ARB2A: variants seen among roughly 807,000 people sequenced by gnomAD.
ARB2A encodes the protein ARB2 cotranscriptional regulator A, also known as cotranscriptional regulator ARB2A.
At chr5:93,889,058 A>G in the ARB2A span, among the ~76,000 whole-genome samples, 2 of 151,742 alleles carry the variant, frequency 1.3e-5, no homozygotes, top group Non-Finnish European at 1.5e-5. Context: ...AATCATATAC[A>G]AATTCCTAAA....
chr5:93,635,956 C>T, the ARB2A span, among the ~76,000 whole-genome samples: 3 of 152,152 alleles, frequency 2.0e-5, no homozygotes, highest in African/African-American at 7.2e-5. Flanking sequence ...TTTATGCTTA[C>T]AAGTGTTATT....
the ARB2A span, among the ~76,000 whole-genome samples, chr5:93,891,922 G>T: frequency 6.6e-6 from 1 of 152,096 alleles, no homozygotes; most frequent in Non-Finnish European, 1.5e-5. Context: ...TCTATTTACA[G>T]CACTACAGCT....
chr5:94,016,519 T>A, the ARB2A span, among the ~76,000 whole-genome samples: 1 of 152,208 alleles, frequency 6.6e-6, no homozygotes, highest in East Asian at 1.9e-4. Flanking sequence ...TCATAAAGTT[T>A]TTTTGTCTTG....
At chr5:94,006,087 T>C in the ARB2A span, among the ~76,000 whole-genome samples, 1 of 152,212 alleles carries the variant, frequency 6.6e-6, no homozygotes, top group Non-Finnish European at 1.5e-5. Flanking sequence ...TACATAAACA[T>C]TTATAACAGC....
At chr5:93,744,906 G>T in the ARB2A span, among the ~76,000 whole-genome samples, 1 of 152,168 alleles carries the variant, frequency 6.6e-6, no homozygotes, top group African/African-American at 2.4e-5. Context: ...CATGGTTCCA[G>T]TCCCCAATGT....
the ARB2A span, among the ~76,000 whole-genome samples, chr5:94,046,380 C>T: frequency 6.6e-6 from 1 of 151,980 alleles, no homozygotes; most frequent in South Asian, 2.1e-4. Flanking sequence ...CAAGAGTTGA[C>T]AGTAGATTTG....
At chr5:93,618,950 G>C in the ARB2A span, 1 of 152,194 alleles carries the variant, frequency 6.6e-6, no homozygotes, top group African/African-American at 2.4e-5. Context: ...CGCCAATTTA[G>C]CATTGCACAA....
the ARB2A span, chr5:93,735,798 T>C: frequency 6.6e-6 from 1 of 152,066 alleles, no homozygotes; most frequent in Non-Finnish European, 1.5e-5. Context: ...AAAGCATACA[T>C]TTGTTAAGCT....
the ARB2A span, among the ~76,000 whole-genome samples, chr5:94,079,337 AAGATGACC>A: frequency 3.9e-5 from 6 of 152,218 alleles, no homozygotes; most frequent in Non-Finnish European, 8.8e-5. Flanking sequence ...CATTGGTCAC[AAGATGACC>A]AGTTCTATTC....
chr5:93,752,322 G>A, the ARB2A span, among the ~76,000 whole-genome samples: 2 of 152,204 alleles, frequency 1.3e-5, no homozygotes, highest in African/African-American at 4.8e-5. Flanking sequence ...TATGGGGGCA[G>A]TAAAAGGAAT....
the ARB2A span, among the ~76,000 whole-genome samples, chr5:94,079,509 C>T: frequency 9.2e-5 from 14 of 152,118 alleles, no homozygotes; most frequent in African/African-American, 3.4e-4. Flanking sequence ...TCTTCTGACT[C>T]CTAATTATGA....
the ARB2A span, among the ~76,000 whole-genome samples, chr5:93,716,050 C>T: frequency 1.3e-5 from 2 of 152,150 alleles, no homozygotes; most frequent in Non-Finnish European, 2.9e-5. Flanking sequence ...AGTGATAGCT[C>T]ATCATTTCTC....
chr5:94,001,636 T>A, the ARB2A span, among the ~76,000 whole-genome samples: 2 of 152,112 alleles, frequency 1.3e-5, no homozygotes, highest in Non-Finnish European at 2.9e-5. Flanking sequence ...TTTTACACAG[T>A]GCTTTTGATT....
At chr5:93,649,777 T>C in the ARB2A span, among the ~76,000 whole-genome samples, 1 of 152,286 alleles carries the variant, frequency 6.6e-6, no homozygotes, top group African/African-American at 2.4e-5. Flanking sequence ...ACCTCAGGCT[T>C]TTCCCTGAAA....
the ARB2A span, among the ~76,000 whole-genome samples, chr5:93,633,512 G>C: frequency 3.9e-5 from 6 of 152,122 alleles, no homozygotes; most frequent in African/African-American, 1.4e-4. Context: ...AACTCTGCTT[G>C]TATAAGTATC....
the ARB2A span, among the ~76,000 whole-genome samples, chr5:93,983,624 G>C: frequency 2.6e-5 from 4 of 152,032 alleles, no homozygotes; most frequent in African/African-American, 9.7e-5. Context: ...AAAATTAGTA[G>C]GTAAAAGATT....
chr5:94,088,500 G>A, the ARB2A span, among the ~76,000 whole-genome samples: 1 of 152,064 alleles, frequency 6.6e-6, no homozygotes, highest in East Asian at 1.9e-4. Context: ...TGGCAACATA[G>A]CAAGACGGTA....
the ARB2A span, among the ~76,000 whole-genome samples, chr5:94,009,047 A>G: frequency 6.6e-6 from 1 of 152,120 alleles, no homozygotes; most frequent in Non-Finnish European, 1.5e-5. Flanking sequence ...AGAATAAACT[A>G]ATTTGATTTC....
the ARB2A span, chr5:93,881,316 T>G: frequency 5.5e-6 from 3 of 549,254 alleles, no homozygotes; most frequent in Admixed American, 3.6e-5. Context: ...AATTCTGAAT[T>G]TAAAAACCCA....
Sources: gnomAD v4.1 joint callset for allele counts (sites outside exome capture counted in the v4.1 genomes callset) on GRCh38, gnomAD v4.1.1 for gene constraint, MANE v1.5 for transcripts, NCBI Gene and HGNC (gene_info 2026-07-23, HGNC 2026-07-21) for gene names.